Variants in TBXA2R observed in about 807,000 individuals in gnomAD.
TBXA2R encodes thromboxane A2 receptor.
In TBXA2R, 15 loss-of-function variants were observed where a neutral mutation model predicts 15.6. That is an observed-to-expected ratio of 0.96 (90% CI 0.64 to 1.48). The LOEUF (loss-of-function observed/expected upper bound fraction) is 1.48. Ranked by LOEUF, TBXA2R falls within the 40% of genes most tolerant of loss-of-function variation. TBXA2R has a pLI of 0.00. For missense variants in TBXA2R, 506 were observed against 491.4 expected, an observed-to-expected ratio of 1.03 and a Z score of -0.28; for synonymous variants, 280 against 241.2, an observed-to-expected ratio of 1.16 and a Z score of -1.49.
At chr19:3,602,090 G>A (rs557403123) in intron 1 of TBXA2R, among the ~76,000 whole-genome samples, 1 of 152,052 alleles carries the variant, frequency 6.6e-6, no homozygotes, top group Non-Finnish European at 1.5e-5. Context: ...GCGTGGTGGC[G>A]GGAGCCTGTA....
rs1176642712 is a variant in TBXA2R, at chr19:3,595,928, G to A, written c.792C>T (p.Phe264=). Residue 264 remains phenylalanine (F), a synonymous_variant, in exon 3 of 3, where the codon TTC becomes TTT. Coordinates refer to ENST00000375190, the MANE Select transcript of TBXA2R (RefSeq NM_001060.6). ...ASVCWLPLLV[F]IAQTVLRNPP... ...GGTTTCGCAGCACTGTCTGGGCGAT[G>A]AAGACCTGCAAAGGGGAGAGCTGTC... 2.0e-5 allele frequency: 32 copies of A among 1,589,016 alleles called. No individual in the cohort carries two copies. Among genetic ancestry groups the A allele is most frequent in the Non-Finnish European group, 2.7e-5 (32 of 1,169,390 alleles).
chr19:3,599,679 C>G (rs10409504), intron 2 of TBXA2R, among the ~76,000 whole-genome samples, 170 bp downstream of exon 2: 39 of 151,748 alleles, frequency 2.6e-4, no homozygotes, highest in Non-Finnish European at 4.4e-5. Flanking sequence ...GTTGGCCAGG[C>G]TGGTCTCGGA....
At position 3,595,766 on chromosome 19, in the gene TBXA2R, A is replaced by G. The variant is rs376415293; in HGVS notation, c.954T>C (p.Arg318=). 29 of 1,608,662 alleles carry G rather than the reference A, an allele frequency of 1.8e-5. No individual in the cohort carries two copies. In the African/African-American group the frequency reaches 2.7e-4, roughly 15 times the overall value. ...GCCGGGTGCTGAGGCGAGGCTGGAGACGCCGGAGCACGGCGCGGCGGAACA... is the reference window on the plus strand; with the variant it reads ...GCCGGGTGCTGAGGCGAGGCTGGAGGCGCCGGAGCACGGCGCGGCGGAACA... The part of the protein sequence containing the change: ...YILFRRAVLR[R]LQPRLSTRPR... The change falls in exon 3 of 3, where the codon CGT becomes CGC. Residue 318 remains arginine, a synonymous_variant. Coordinates refer to ENST00000375190, the MANE Select transcript of TBXA2R (RefSeq NM_001060.6).
chr19:3,598,986 G>C (rs540115150), intron 2 of TBXA2R, among the ~76,000 whole-genome samples: 1 of 152,156 alleles, frequency 6.6e-6, no homozygotes, highest in African/African-American at 2.4e-5. Context: ...TTTTTACTAA[G>C]AATTTCTTTC....
Position 3,595,471 on chromosome 19 carries a change from T to C in TBXA2R, c.*217A>G. 1 of 1,417,504 alleles carries C rather than the reference T, an allele frequency of 7.1e-7. No homozygotes were observed. The highest frequency in any genetic ancestry group is 9.2e-7 in the Non-Finnish European group (1 of 1,090,254). The allele number at this position is 1,417,504 out of a possible 1,614,324, so 87.8% of individuals were successfully genotyped here. ...GCAGAGAAGGGGTGGGAGCTCTGGA[T>C]GGGAAAAAGGGGCCGAGGAAGGGAG... is the stretch of plus-strand genomic sequence containing the variant. On this transcript the variant is annotated 3_prime_UTR_variant, in exon 3 of 3. Coordinates refer to ENST00000375190, the MANE Select transcript of TBXA2R (RefSeq NM_001060.6).
In TBXA2R at chr19:3,600,211, C is replaced by T. The variant is rs776787597; in HGVS notation, c.424G>A (p.Ala142Thr). ...LGITRPFSRP[A>T]VASQRRAWAT... ...CAGGCGCGGCGCTGCGAGGCGACCG[C>T]CGGGCGCGAGAAGGGCCGGGTGATA... Residue 142 changes from alanine (A) to threonine (T), a missense_variant, in exon 2 of 3, where the codon GCG (alanine) becomes ACG (threonine). Physicochemically the swap from Ala to Thr is moderately conservative, Grantham distance 58. Transcript: ENST00000375190. The T allele has an allele frequency of 5.5e-5, 88 of 1,604,018 alleles. No individual in the cohort carries two copies. In the Admixed American group the frequency reaches 1.5e-3, roughly 27 times the overall value.
At position 3,600,095 on chromosome 19, in the gene TBXA2R, C is replaced by T. The variant is rs1267422357; in HGVS notation, c.540G>A (p.Gly180=). Residue 180 remains glycine (G), a synonymous_variant, in exon 2 of 3, where the codon GGG becomes GGA. Transcript: ENST00000375190. ...GVGRYTVQYP[G]SWCFLTLGAE... ...CGCCCAGCGTCAGGAAGCACCAGGA[C>T]CCCGGGTATTGCACGGTGTAGCGAC... 6.2e-7 allele frequency: 1 copy of T among 1,612,310 alleles called. No homozygotes were observed. The highest frequency in any genetic ancestry group is 2.2e-5 in the East Asian group (1 of 44,866).
intron 1 of TBXA2R, among the ~76,000 whole-genome samples, chr19:3,602,992 C>T (rs538833977): frequency 4.6e-5 from 7 of 151,364 alleles, no homozygotes; most frequent in East Asian, 1.9e-4. Context: ...GCTGAGATCG[C>T]GCCACTGCCC....
chr19:3,594,720 TC>T lies in TBXA2R; in HGVS notation c.*967del. On this transcript the variant is annotated 3_prime_UTR_variant, in exon 3 of 3. Coordinates refer to ENST00000375190, the MANE Select transcript of TBXA2R (RefSeq NM_001060.6). ...CCTTCCCAGCCCTGCCCTCGTCTGC[TC>T]CGGGTGAGGCCCAATGCACAAACTC... The T allele has an allele frequency of 1.1e-6, 1 of 878,392 alleles. No individual in the cohort carries two copies. Among genetic ancestry groups the T allele is most frequent in the Non-Finnish European group, 1.7e-6 (1 of 589,002 alleles). 54.4% of individuals were successfully genotyped at this position (878,392 alleles called of 1,614,324 possible).
At position 3,606,310 on chromosome 19, in the gene TBXA2R, C is replaced by T. The variant is rs114495248; in HGVS notation, c.-84+220G>A. ...CAGAGAGCCCCCCGGACAGAATCAG[C>T]CTGGGCCGCACCCAGACCCAGCCGC... On this transcript the variant is annotated intron_variant, in intron 1 of 2. Transcript: ENST00000375190. Among the ~76,000 whole-genome samples, 308 of 152,320 alleles carry T rather than the reference C, an allele frequency of 2.0e-3. 4 individuals carry two copies. Among genetic ancestry groups the T allele is most frequent in the African/African-American group, 7.3e-3 (303 of 41,572 alleles).
chr19:3,604,046 G>A (rs1362850914), intron 1 of TBXA2R, among the ~76,000 whole-genome samples: 2 of 152,196 alleles, frequency 1.3e-5, no homozygotes, highest in Non-Finnish European at 2.9e-5. Context: ...TGCAGTCTGA[G>A]AGCAGACGTT....
chr19:3,603,855 T>A (rs1434033290), intron 1 of TBXA2R, among the ~76,000 whole-genome samples: 2 of 151,934 alleles, frequency 1.3e-5, no homozygotes, highest in Admixed American at 1.3e-4. Context: ...AGGATGCCAA[T>A]GGGGGGACCG....
chr19:3,596,639 C>CTT (rs35384615), intron 2 of TBXA2R, among the ~76,000 whole-genome samples: 2 of 145,180 alleles, frequency 1.4e-5, no homozygotes, highest in South Asian at 2.2e-4. Context: ...AAATAAATAC[C>CTT]TTTTTTTTTT....
chr19:3,594,836 T>G lies in TBXA2R; in HGVS notation c.*852A>C. ...GAAAAGGGGGTGCCCCCGTTCACAT[T>G]CAATCCTTTCTGGACAGAGCCTTCC... On this transcript the variant is annotated 3_prime_UTR_variant, in exon 3 of 3. Coordinates refer to ENST00000375190, the MANE Select transcript of TBXA2R (RefSeq NM_001060.6). 1 of 1,536,140 alleles carries G rather than the reference T, an allele frequency of 6.5e-7. No homozygotes were observed. The highest frequency in any genetic ancestry group is 1.2e-5 in the South Asian group (1 of 84,018).
intron 2 of TBXA2R, 71 bp from the exon 3 acceptor site, chr19:3,596,004 C>A: frequency 3.9e-6 from 6 of 1,521,434 alleles, no homozygotes; most frequent in Non-Finnish European, 5.3e-6. Flanking sequence ...TGCCCGGGGT[C>A]CCTTGAGATC....
intron 1 of TBXA2R, among the ~76,000 whole-genome samples, chr19:3,602,172 G>C (rs895218038): frequency 6.6e-6 from 1 of 152,094 alleles, no homozygotes; most frequent in Non-Finnish European, 1.5e-5. Flanking sequence ...AGTGAGCTGA[G>C]ATCGTGCCAC....
intron 1 of TBXA2R, among the ~76,000 whole-genome samples, chr19:3,604,562 C>T (rs1245103310): frequency 6.6e-6 from 1 of 152,172 alleles, no homozygotes; most frequent in Non-Finnish European, 1.5e-5. Context: ...CCACCCTGCC[C>T]GCCCCGCCTG....
At position 3,594,670 on chromosome 19, in the gene TBXA2R, C is replaced by T; in HGVS notation, c.*1018G>A. The T allele has an allele frequency of 1.8e-6, 1 of 568,838 alleles. No individual in the cohort carries two copies. The highest frequency in any genetic ancestry group is 3.0e-6 in the Non-Finnish European group (1 of 328,506). 35.2% of individuals were successfully genotyped at this position (568,838 alleles called of 1,614,324 possible). On this transcript the variant is annotated 3_prime_UTR_variant, in exon 3 of 3. Coordinates refer to ENST00000375190, the MANE Select transcript of TBXA2R (RefSeq NM_001060.6). ...CTCAAGAAACAAGGTGGGGGAGGAA[C>T]CGAATCCTCTATGTCCCTCCCCATC...
At chr19:3,604,914 C>A (rs1471411174) in intron 1 of TBXA2R, among the ~76,000 whole-genome samples, 1 of 152,202 alleles carries the variant, frequency 6.6e-6, no homozygotes, top group Non-Finnish European at 1.5e-5. Flanking sequence ...GCCAGACCCT[C>A]CCATGCCTGC....
Sources: gnomAD v4.1 joint callset for allele counts (sites outside exome capture counted in the v4.1 genomes callset) on GRCh38, gnomAD v4.1.1 for gene constraint, MANE v1.5 for transcripts, NCBI Gene and HGNC (gene_info 2026-07-23, HGNC 2026-07-21) for gene names.